Variants in PDE4D observed in about 807,000 individuals in gnomAD.
PDE4D encodes the protein 3',5'-cyclic-AMP phosphodiesterase 4D.
PDE4D carries 24 observed loss-of-function variants against 87.4 expected under a neutral mutation model. That is an observed-to-expected ratio of 0.27 (90% CI 0.20 to 0.39). The LOEUF is 0.39. PDE4D is among the 10% of genes least tolerant of loss of function. The pLI is 1.00. For synonymous variants in PDE4D, 384 were observed against 383.2 expected (o/e 1.00, Z -0.02); for missense variants, 714 against 1,041.0 (o/e 0.69, Z 4.32).
intron 1 of PDE4D, among the ~76,000 whole-genome samples, chr5:60,257,537 T>C (rs552704243): frequency 6.6e-6 from 1 of 152,092 alleles, no homozygotes; most frequent in Non-Finnish European, 1.5e-5. Flanking sequence ...TAGCTTATGA[T>C]GTATCTGAAG....
intron 1 of PDE4D, among the ~76,000 whole-genome samples, chr5:59,714,690 C>T (rs1310608464): frequency 3.3e-5 from 5 of 152,292 alleles, no homozygotes; most frequent in South Asian, 2.1e-4. Context: ...TTCGCCTTCA[C>T]GGGAAGGTGA....
At chr5:59,029,816 G>T (rs1014358695) in intron 6 of PDE4D, among the ~76,000 whole-genome samples, 5 of 152,116 alleles carry the variant, frequency 3.3e-5, no homozygotes, top group African/African-American at 1.2e-4. Flanking sequence ...AATCAAAACA[G>T]CATGTTATTG....
intron 5 of PDE4D, among the ~76,000 whole-genome samples, chr5:59,141,008 A>G (rs116363204): frequency 0.034 from 5,149 of 152,334 alleles, 102 homozygotes; most frequent in Non-Finnish European, 0.053. Context: ...GCCAAAGAGA[A>G]GAGTTAAAAA....
chr5:59,219,127 T>C (rs1751909032), intron 1 of PDE4D, among the ~76,000 whole-genome samples: 1 of 149,910 alleles, frequency 6.7e-6, no homozygotes, highest in African/African-American at 2.5e-5. Context: ...TGCACCAGCA[T>C]GGCACATGTA....
chr5:59,243,448 CTTTTTTTTTT>C (rs767287011), intron 1 of PDE4D, among the ~76,000 whole-genome samples: 12 of 72,304 alleles, frequency 1.7e-4, no homozygotes, highest in South Asian at 4.8e-4. Flanking sequence ...TTAAAATAAC[CTTTTTTTTTT>C]TTTTTTTTTT....
At chr5:59,203,421 A>T (rs1207897671) in intron 2 of PDE4D, among the ~76,000 whole-genome samples, 2 of 152,212 alleles carry the variant, frequency 1.3e-5, no homozygotes, top group African/African-American at 2.4e-5. Context: ...TATGGAAAAC[A>T]GTATGAAGGG....
chr5:59,174,585 C>G (rs1457952427), intron 5 of PDE4D: 2 of 152,524 alleles, frequency 1.3e-5, no homozygotes, highest in African/African-American at 4.8e-5. Context: ...ATAGCTATAA[C>G]TACAGAGATA....
intron 1 of PDE4D, among the ~76,000 whole-genome samples, chr5:59,876,915 C>T (rs753364660): frequency 1.3e-5 from 2 of 151,926 alleles, no homozygotes; most frequent in African/African-American, 2.4e-5. Context: ...ACAACAACAA[C>T]AAAAATACAT....
intron 1 of PDE4D, among the ~76,000 whole-genome samples, chr5:60,403,033 T>C (rs1172796983): frequency 1.3e-5 from 2 of 152,086 alleles, no homozygotes; most frequent in Non-Finnish European, 2.9e-5. Flanking sequence ...GAAGATCTAG[T>C]CTAATCCTCC....
intron 1 of PDE4D, among the ~76,000 whole-genome samples, chr5:59,294,485 G>A (rs1247363748): frequency 6.6e-6 from 1 of 152,172 alleles, no homozygotes; most frequent in Non-Finnish European, 1.5e-5. Context: ...GCTACACAGA[G>A]AAAGCAGTGT....
intron 1 of PDE4D, among the ~76,000 whole-genome samples, chr5:59,247,409 G>T (rs1391820087): frequency 2.0e-5 from 3 of 152,068 alleles, no homozygotes; most frequent in Non-Finnish European, 4.4e-5. Context: ...AAGAGGCCCT[G>T]CCCATTGTAA....
chr5:60,002,924 A>G (rs1344281320), intron 2 of PDE4D, among the ~76,000 whole-genome samples: 2 of 152,260 alleles, frequency 1.3e-5, no homozygotes, highest in Non-Finnish European at 2.9e-5. Context: ...AGCCCTAGCC[A>G]GAGCAATTAG....
chr5:60,308,177 T>A (rs1042366465), intron 1 of PDE4D, among the ~76,000 whole-genome samples: 12 of 152,190 alleles, frequency 7.9e-5, no homozygotes, highest in Admixed American at 7.9e-4. Context: ...AAAATGCCAT[T>A]GAGAAAAAAG....
intron 1 of PDE4D, among the ~76,000 whole-genome samples, chr5:59,516,526 AG>A (rs1346376860): frequency 2.0e-5 from 3 of 152,196 alleles, no homozygotes; most frequent in Non-Finnish European, 4.4e-5. Context: ...GCCAAGAAAA[AG>A]CTACTTCTAA....
At chr5:59,786,930 G>A (rs1765241937) in intron 1 of PDE4D, among the ~76,000 whole-genome samples, 1 of 152,030 alleles carries the variant, frequency 6.6e-6, no homozygotes, top group African/African-American at 2.4e-5. Context: ...ATATTTCACA[G>A]GGAAATAAAC....
intron 1 of PDE4D, among the ~76,000 whole-genome samples, chr5:60,282,235 A>ATATATATATATATATATG (rs1490291783): frequency 6.3e-4 from 83 of 132,062 alleles, no homozygotes; most frequent in Non-Finnish European, 1.0e-3. Flanking sequence ...ATATATATAT[A>ATATATATATATATATATG]TATTTCTCAA....
chr5:59,923,216 A>G (rs561349193), intron 3 of PDE4D, among the ~76,000 whole-genome samples: 1 of 152,312 alleles, frequency 6.6e-6, no homozygotes, highest in South Asian at 2.1e-4. Flanking sequence ...TAGCTTCTTA[A>G]GATTTCTCAC....
chr5:59,384,473 C>T (rs141267558), intron 1 of PDE4D, among the ~76,000 whole-genome samples: 1 of 152,178 alleles, frequency 6.6e-6, no homozygotes, highest in African/African-American at 2.4e-5. Flanking sequence ...AGTTTCTGTA[C>T]CAGAGTGAGG....
intron 1 of PDE4D, among the ~76,000 whole-genome samples, chr5:59,328,764 G>A (rs1776177624): frequency 6.6e-6 from 1 of 152,180 alleles, no homozygotes; most frequent in South Asian, 2.1e-4. Context: ...TAGAAGTTGA[G>A]GGTCATTAAA....
Sources: allele counts gnomAD v4.1 joint callset (sites outside exome capture counted in the v4.1 genomes callset), GRCh38; gene constraint gnomAD v4.1.1; transcripts MANE v1.5; gene names NCBI Gene and HGNC (gene_info 2026-07-23, HGNC 2026-07-21).